TXNDC16: variants seen among roughly 807,000 people sequenced by gnomAD.
TXNDC16 encodes the protein thioredoxin domain-containing protein 16.
Under a neutral mutation model 85.6 loss-of-function variants are expected in TXNDC16, and 74 were observed. The ratio of observed to expected loss-of-function variants is 0.86; its 90% CI spans 0.72 to 1.05. TXNDC16 has a LOEUF of 1.05. Among genes scored for constraint, TXNDC16 ranks in the 50% least tolerant of loss-of-function variants. The pLI, the probability that TXNDC16 is intolerant of heterozygous loss-of-function variation, is 0.00. For missense variants in TXNDC16, 959 were observed against 947.0 expected (o/e 1.01, Z -0.17); for synonymous variants, 335 against 326.5 (o/e 1.03, Z -0.28).
intron 9 of TXNDC16, among the ~76,000 whole-genome samples, chr14:52,493,216 T>TATATATACAC: frequency 8.6e-6 from 1 of 115,940 alleles, no homozygotes; most frequent in African/African-American, 3.5e-5. Context: ...TATATATATA[T>TATATATACAC]ACACACACAC....
At chr14:52,458,040 C>G (rs1386407909) in intron 16 of TXNDC16, among the ~76,000 whole-genome samples, 4 of 152,134 alleles carry the variant, frequency 2.6e-5, no homozygotes, top group Non-Finnish European at 5.9e-5. Context: ...TCACATAGTA[C>G]CTACTAGGCT....
intron 18 of TXNDC16, among the ~76,000 whole-genome samples, chr14:52,450,417 C>A (rs2035379892): frequency 7.1e-6 from 1 of 141,322 alleles, no homozygotes; most frequent in African/African-American, 2.6e-5. Flanking sequence ...CAATAACAAA[C>A]AAGGAGATTG....
intron 16 of TXNDC16, among the ~76,000 whole-genome samples, chr14:52,469,382 T>G (rs992426556): frequency 1.3e-5 from 2 of 152,026 alleles, no homozygotes; most frequent in African/African-American, 4.8e-5. Flanking sequence ...AAATACATTT[T>G]GATATATATA....
chr14:52,510,905 T>G (rs2036939011), intron 9 of TXNDC16, among the ~76,000 whole-genome samples: 3 of 152,208 alleles, frequency 2.0e-5, no homozygotes, highest in African/African-American at 7.2e-5. Context: ...GTGGTCTTTG[T>G]GATCTGTGAG....
chr14:52,508,746 A>C (rs1260299559), intron 9 of TXNDC16, among the ~76,000 whole-genome samples: 1 of 152,214 alleles, frequency 6.6e-6, no homozygotes, highest in Non-Finnish European at 1.5e-5. Context: ...TTAAAAAATG[A>C]TGAGTTCATG....
chr14:52,432,167 A>C lies in TXNDC16; in HGVS notation c.*137T>G. The C allele has an allele frequency of 1.4e-6, 1 of 730,898 alleles. No homozygotes were observed. The highest frequency in any genetic ancestry group is 3.8e-5 in the South Asian group (1 of 26,262). The allele number at this position is 730,898 out of a possible 1,614,324, so 45.3% of individuals were successfully genotyped here. On this transcript the variant is annotated 3_prime_UTR_variant, in exon 21 of 21. Transcript: ENST00000281741. ...TAATGTAGTTACTAGAAAATTTTAAATAAAATATGTGACTTATATTATAAT... is the reference window on the plus strand; with the variant it reads ...TAATGTAGTTACTAGAAAATTTTAACTAAAATATGTGACTTATATTATAAT...
chr14:52,539,684 G>C (rs1344813340), intron 4 of TXNDC16, among the ~76,000 whole-genome samples: 2 of 152,138 alleles, frequency 1.3e-5, no homozygotes, highest in Non-Finnish European at 2.9e-5. Context: ...GGTATAGGAA[G>C]TGGTCAGATT....
chr14:52,523,426 T>C (rs2037257603), intron 6 of TXNDC16, among the ~76,000 whole-genome samples: 1 of 152,314 alleles, frequency 6.6e-6, no homozygotes, highest in Middle Eastern at 3.4e-3. Flanking sequence ...AGACAATTTT[T>C]GTATTACATT....
At chr14:52,514,856 T>C in intron 8 of TXNDC16, 24 bp downstream of exon 8, 2 of 1,544,574 alleles carry the variant, frequency 1.3e-6, no homozygotes, top group Non-Finnish European at 1.8e-6. Flanking sequence ...CTTTAAATTG[T>C]TGACATATGC....
intron 16 of TXNDC16, among the ~76,000 whole-genome samples, chr14:52,466,427 A>G (rs2035776685): frequency 6.6e-6 from 1 of 150,834 alleles, no homozygotes; most frequent in African/African-American, 2.4e-5. Flanking sequence ...GACTTCAAAA[A>G]AGAAATTAAA....
Position 52,536,785 on chromosome 14 carries a change from A to G in TXNDC16, c.326T>C (p.Ile109Thr). 1.2e-6 allele frequency: 2 copies of G among 1,609,614 alleles called. No individual in the cohort carries two copies. Among genetic ancestry groups the G allele is most frequent in the East Asian group, 2.2e-5 (1 of 44,770 alleles). Reference protein sequence around the residue: ...LMKAYLFKGNILLREFPTDTL... With the variant: ...LMKAYLFKGNTLLREFPTDTL... ...GTCAGTAGGGAATTCTCTGAGCAAT[A>G]TGTTGCCCCTATAAAAAGTTTAAAA... The change falls in exon 6 of 21, where the codon ATA becomes ACA. Residue 109 changes from isoleucine (I) to threonine (T), a missense_variant. Transcript: ENST00000281741.
chr14:52,507,808 T>C (rs1286008115), intron 9 of TXNDC16, among the ~76,000 whole-genome samples: 3 of 152,108 alleles, frequency 2.0e-5, no homozygotes, highest in Non-Finnish European at 4.4e-5. Flanking sequence ...AAACAAGAAA[T>C]TGGGGAAAGG....
At position 52,461,950 on chromosome 14, in the gene TXNDC16, A is replaced by G. The variant is rs80351713; in HGVS notation, c.1619-4776T>C. ...AAATTAGCAGTTTTATGACCTTAAA[A>G]CATGTAAAGACAGCATAAACCTGTC... On this transcript the variant is annotated intron_variant, in intron 16 of 20. Coordinates refer to ENST00000281741, the MANE Select transcript of TXNDC16 (RefSeq NM_020784.3). Among the ~76,000 whole-genome samples the G allele has an allele frequency of 4.9e-3, 740 of 152,364 alleles. 14 individuals carry two copies. Among genetic ancestry groups the G allele is most frequent in the Admixed American group, 0.039 (601 of 15,304 alleles).
intron 16 of TXNDC16, among the ~76,000 whole-genome samples, chr14:52,460,279 CACAA>C (rs896489337): frequency 1.3e-5 from 2 of 152,028 alleles, no homozygotes; most frequent in East Asian, 1.9e-4. Context: ...TCAGAGAAAA[CACAA>C]ACAAATAGAA....
In TXNDC16 at chr14:52,450,870, TATATATATATAC is replaced by T. The variant is rs1219381318; in HGVS notation, c.1842+4442_1842+4453del. Among the ~76,000 whole-genome samples the T allele has an allele frequency of 2.1e-4, 20 of 96,824 alleles. 1 individual carries two copies. The highest frequency in any genetic ancestry group is 6.4e-4 in the Admixed American group (6 of 9,394). The allele number at this position is 96,824 out of a possible 152,430, so 63.5% of individuals were successfully genotyped here. On this transcript the variant is annotated intron_variant, in intron 18 of 20. Coordinates refer to ENST00000281741, the MANE Select transcript of TXNDC16 (RefSeq NM_020784.3). ...AATGTGTTTTATATATATATATATA[TATATATATATAC>T]ACACACACACACATACATATATATA...
intron 16 of TXNDC16, among the ~76,000 whole-genome samples, chr14:52,466,432 AT>A (rs1258013115): frequency 6.7e-6 from 1 of 150,370 alleles, no homozygotes; most frequent in Non-Finnish European, 1.5e-5. Flanking sequence ...CAAAAAAGAA[AT>A]TAAAAGCATC....
chr14:52,515,895 T>C (rs1382879047), intron 7 of TXNDC16, among the ~76,000 whole-genome samples: 1 of 152,108 alleles, frequency 6.6e-6, no homozygotes, highest in Non-Finnish European at 1.5e-5. Flanking sequence ...ACTCAGTAAA[T>C]ACTATTTGCA....
At chr14:52,486,993 C>G (rs1330933927) in intron 12 of TXNDC16, among the ~76,000 whole-genome samples, 1 of 152,100 alleles carries the variant, frequency 6.6e-6, no homozygotes, top group Non-Finnish European at 1.5e-5. Flanking sequence ...AAAGAGAAGG[C>G]AGCATCAGAG....
chr14:52,490,565 T>C (rs2036377308), intron 10 of TXNDC16, 114 bp from the exon 11 acceptor site: 2 of 899,754 alleles, frequency 2.2e-6, no homozygotes, highest in South Asian at 2.3e-5. Context: ...TGAAAAAATA[T>C]TACAATTTAG....
Sources: allele counts gnomAD v4.1 joint callset (sites outside exome capture counted in the v4.1 genomes callset), GRCh38; gene constraint gnomAD v4.1.1; transcripts MANE v1.5; gene names NCBI Gene and HGNC (gene_info 2026-07-23, HGNC 2026-07-21).